SHANK2: variants seen among roughly 807,000 people sequenced by gnomAD.
The protein encoded by SHANK2 is SH3 and multiple ankyrin repeat domains protein 2.
SHANK2 carries 43 observed loss-of-function variants against 133.7 expected under a neutral mutation model. That is an observed-to-expected ratio of 0.32 (90% CI 0.25 to 0.41). The LOEUF is 0.41. Among genes scored for constraint, SHANK2 ranks in the 10% least tolerant of loss-of-function variants. The pLI, the probability that SHANK2 is intolerant of heterozygous loss-of-function variation, is 1.00. For missense variants in SHANK2, 1,994 were observed against 2,235.8 expected (o/e 0.89, Z 2.18); for synonymous variants, 1,017 against 952.8 (o/e 1.07, Z -1.24).
intron 11 of SHANK2, among the ~76,000 whole-genome samples, chr11:70,827,775 T>C (rs1452841389): frequency 6.8e-6 from 1 of 146,300 alleles, no homozygotes; most frequent in Admixed American, 6.8e-5. Context: ...ACCAGAGCAC[T>C]AAAGTTTAAT....
chr11:70,717,814 G>GAA (rs5792531), intron 14 of SHANK2, among the ~76,000 whole-genome samples: 13 of 146,530 alleles, frequency 8.9e-5, no homozygotes, highest in South Asian at 4.3e-4. Context: ...AATTCAACAG[G>GAA]AAAAAAAAAA....
intron 14 of SHANK2, among the ~76,000 whole-genome samples, chr11:70,728,496 C>T (rs1468392421): frequency 1.3e-5 from 2 of 152,204 alleles, no homozygotes; most frequent in Admixed American, 6.5e-5. Context: ...GCAAAGTCAT[C>T]CCAGGGCTTC....
intron 11 of SHANK2, among the ~76,000 whole-genome samples, chr11:70,823,065 C>T (rs1289088084): frequency 7.4e-5 from 6 of 80,674 alleles, no homozygotes; most frequent in Admixed American, 1.4e-4. Context: ...ACAGAGGTGG[C>T]GCTGGCAGAG....
intron 17 of SHANK2, among the ~76,000 whole-genome samples, chr11:70,517,947 A>C (rs1442927628): frequency 6.6e-6 from 1 of 152,220 alleles, no homozygotes; most frequent in Non-Finnish European, 1.5e-5. Flanking sequence ...TAGGGAAAAC[A>C]GGGAGAGATA....
intron 17 of SHANK2, among the ~76,000 whole-genome samples, chr11:70,630,136 C>T (rs975799349): frequency 3.9e-5 from 6 of 152,332 alleles, no homozygotes; most frequent in African/African-American, 1.4e-4. Context: ...TAGAAGGTTC[C>T]CTGATGGCAG....
chr11:70,755,683 G>A (rs868944399), intron 14 of SHANK2, among the ~76,000 whole-genome samples: 34 of 152,244 alleles, frequency 2.2e-4, no homozygotes, highest in Admixed American at 1.6e-3. Context: ...CCTCGGCTCC[G>A]CACCCCGCGG....
intron 2 of SHANK2, among the ~76,000 whole-genome samples, chr11:71,200,973 T>G (rs534152481): frequency 6.6e-6 from 1 of 152,226 alleles, no homozygotes; most frequent in South Asian, 2.1e-4. Context: ...ATTGGGCACC[T>G]GCAATGTGGC....
At chr11:70,892,928 T>A (rs1949872597) in intron 11 of SHANK2, among the ~76,000 whole-genome samples, 1 of 152,114 alleles carries the variant, frequency 6.6e-6, no homozygotes, top group African/African-American at 2.4e-5. Flanking sequence ...TGAACACATG[T>A]GTACAGCTGG....
At chr11:70,740,078 T>A (rs1345918998) in intron 14 of SHANK2, among the ~76,000 whole-genome samples, 1 of 142,386 alleles carries the variant, frequency 7.0e-6, no homozygotes. Flanking sequence ...AGACAGTGCC[T>A]GCCACACAGC....
At chr11:70,855,877 T>TAATGAATGGATAGATGGATG (rs1949160804) in intron 11 of SHANK2, among the ~76,000 whole-genome samples, 4 of 150,822 alleles carry the variant, frequency 2.7e-5, no homozygotes, top group African/African-American at 9.8e-5. Flanking sequence ...GCAGAAACAC[T>TAATGAATGGATAGATGGATG]AATGAATGGA....
At chr11:70,683,222 C>T (rs548314213) in intron 15 of SHANK2, among the ~76,000 whole-genome samples, 36 of 152,258 alleles carry the variant, frequency 2.4e-4, no homozygotes, top group Non-Finnish European at 3.8e-4. Flanking sequence ...AAGCAATCCT[C>T]CCACCTTGGC....
intron 6 of SHANK2, among the ~76,000 whole-genome samples, chr11:71,095,276 G>A (rs936537333): frequency 2.0e-5 from 3 of 152,216 alleles, no homozygotes; most frequent in African/African-American, 7.2e-5. Flanking sequence ...CAGACAGAAG[G>A]ATGCCGTCTG....
At chr11:71,097,294 C>T (rs549599654) in intron 6 of SHANK2, among the ~76,000 whole-genome samples, 2 of 152,192 alleles carry the variant, frequency 1.3e-5, no homozygotes, top group African/African-American at 4.8e-5. Flanking sequence ...GAATCACCCC[C>T]GAGAAGATGC....
chr11:70,870,202 G>T (rs930727901), intron 11 of SHANK2, among the ~76,000 whole-genome samples: 1 of 152,220 alleles, frequency 6.6e-6, no homozygotes, highest in Non-Finnish European at 1.5e-5. Flanking sequence ...CCCAGGCAGA[G>T]TGTGCTCCAC....
Position 70,842,173 on chromosome 11 carries a change from A to G in SHANK2, c.1175-21491T>C, listed in dbSNP as rs193110956. Reference sequence around the variant, plus strand: ...ACTCACCAAGCATTTACTTCCAAGTATATGAAATCTCATTATGTTATTAAA... The same window carrying G: ...ACTCACCAAGCATTTACTTCCAAGTGTATGAAATCTCATTATGTTATTAAA... On this transcript the variant is annotated intron_variant, in intron 11 of 25. Transcript: ENST00000601538. Among the ~76,000 whole-genome samples the G allele has an allele frequency of 3.9e-5, 6 of 152,374 alleles. No homozygotes were observed. The East Asian group carries it at 9.6e-4, about 24-fold the overall frequency.
intron 17 of SHANK2, among the ~76,000 whole-genome samples, chr11:70,601,261 C>T (rs2136324737): frequency 6.6e-6 from 1 of 150,832 alleles, no homozygotes; most frequent in Non-Finnish European, 1.5e-5. Flanking sequence ...TGCTCTGTCA[C>T]CAGGCTGGAG....
chr11:71,068,238 T>C (rs1019497639), intron 9 of SHANK2, among the ~76,000 whole-genome samples: 3 of 152,192 alleles, frequency 2.0e-5, no homozygotes, highest in South Asian at 2.1e-4. Flanking sequence ...GTAGTCTCAA[T>C]GGCTCACTGA....
At chr11:70,885,943 C>T (rs958534734) in intron 11 of SHANK2, among the ~76,000 whole-genome samples, 6 of 152,178 alleles carry the variant, frequency 3.9e-5, no homozygotes, top group Non-Finnish European at 7.3e-5. Flanking sequence ...CAGATACGCA[C>T]GGGAGAAAGT....
At chr11:70,725,096 C>CT (rs781795738) in intron 14 of SHANK2, among the ~76,000 whole-genome samples, 4 of 152,070 alleles carry the variant, frequency 2.6e-5, no homozygotes, top group Non-Finnish European at 5.9e-5. Flanking sequence ...AAGCTTGATT[C>CT]TTTGGGGGGG....
Sources: allele counts gnomAD v4.1 joint callset (sites outside exome capture counted in the v4.1 genomes callset), GRCh38; gene constraint gnomAD v4.1.1; transcripts MANE v1.5; gene names NCBI Gene and HGNC (gene_info 2026-07-23, HGNC 2026-07-21).